The following SMYD3 variants were observed in gnomAD, a reference collection of about 807,000 sequenced individuals.
SMYD3 encodes the protein histone-lysine N-methyltransferase SMYD3.
A neutral mutation model predicts 57.7 loss-of-function variants in SMYD3; 36 were observed. That is an observed-to-expected ratio of 0.62 (90% CI 0.48 to 0.82). The LOEUF is 0.82. SMYD3 is among the 40% of genes least tolerant of loss of function. SMYD3 has a pLI of 0.00. For synonymous variants in SMYD3, 211 were observed against 195.0 expected (o/e 1.08, Z -0.68); for missense variants, 515 against 538.8 (o/e 0.96, Z 0.44).
chr1:246,458,970 T>C (rs535306282), intron 1 of SMYD3, among the ~76,000 whole-genome samples: 5 of 152,244 alleles, frequency 3.3e-5, no homozygotes, highest in East Asian at 1.9e-4. Flanking sequence ...AACTGTAGAA[T>C]AGGATGTTGA....
At chr1:245,960,563 A>C (rs976844122) in intron 5 of SMYD3, among the ~76,000 whole-genome samples, 1 of 152,082 alleles carries the variant, frequency 6.6e-6, no homozygotes, top group African/African-American at 2.4e-5. Flanking sequence ...TCTCTACGAA[A>C]AAAAGACACA....
chr1:246,110,990 A>G (rs1176033621), intron 5 of SMYD3, among the ~76,000 whole-genome samples: 1 of 152,192 alleles, frequency 6.6e-6, no homozygotes, highest in African/African-American at 2.4e-5. Flanking sequence ...CATTGTCCAT[A>G]AGATAACTCA....
intron 1 of SMYD3, among the ~76,000 whole-genome samples, chr1:246,505,963 C>T (rs749186209): frequency 3.9e-5 from 6 of 152,244 alleles, no homozygotes; most frequent in Non-Finnish European, 7.3e-5. Flanking sequence ...GTTATCATTA[C>T]TTCAGAAAGC....
At chr1:246,240,637 G>C (rs1166607099) in intron 5 of SMYD3, among the ~76,000 whole-genome samples, 2 of 152,138 alleles carry the variant, frequency 1.3e-5, no homozygotes, top group Admixed American at 1.3e-4. Context: ...GAAAGTCATT[G>C]GTAGCTTGAT....
At chr1:245,913,114 A>T (rs964374651) in intron 8 of SMYD3, among the ~76,000 whole-genome samples, 7 of 151,934 alleles carry the variant, frequency 4.6e-5, no homozygotes, top group Admixed American at 3.9e-4. Flanking sequence ...AACCAACCCA[A>T]ATGTCCAACA....
chr1:246,406,505 T>C (rs2066868493), intron 1 of SMYD3, among the ~76,000 whole-genome samples: 1 of 152,176 alleles, frequency 6.6e-6, no homozygotes, highest in Non-Finnish European at 1.5e-5. Context: ...GTTTAATAAT[T>C]TCCTTTCTCA....
chr1:246,080,261 T>C (rs948696984), intron 5 of SMYD3, among the ~76,000 whole-genome samples: 1 of 151,650 alleles, frequency 6.6e-6, no homozygotes, highest in African/African-American at 2.4e-5. Context: ...CCACCGGAGC[T>C]CAGAGCAGTG....
rs75137579 is a variant in SMYD3, at chr1:246,249,999, TTAA to T, written c.531+77199_531+77201del. Among the ~76,000 whole-genome samples the T allele has an allele frequency of 7.1e-4, 108 of 152,324 alleles. No homozygotes were observed. In the East Asian group the frequency reaches 0.015, roughly 21 times the overall value. On this transcript the variant is annotated intron_variant, in intron 5 of 11. Transcript: ENST00000490107. ...TGGCATGACACAATTATAGAGCACATTAATAACTGCAGGCACCTGCAGAATAAA... is the reference window on the plus strand; with the variant it reads ...TGGCATGACACAATTATAGAGCACATTAACTGCAGGCACCTGCAGAATAAA...
chr1:245,771,278 G>A (rs2046327369), intron 10 of SMYD3, among the ~76,000 whole-genome samples: 1 of 152,112 alleles, frequency 6.6e-6, no homozygotes, highest in Admixed American at 6.5e-5. Context: ...AGAAGGATGA[G>A]GGATAAGGTA....
intron 5 of SMYD3, among the ~76,000 whole-genome samples, chr1:246,022,251 C>T (rs1275840056): frequency 6.6e-6 from 1 of 152,172 alleles, no homozygotes; most frequent in African/African-American, 2.4e-5. Flanking sequence ...GGTTCTCAAA[C>T]ATTAAAATGC....
At position 246,109,068 on chromosome 1, in the gene SMYD3, C is replaced by A. The variant is rs559829646; in HGVS notation, c.532-179131G>T. On this transcript the variant is annotated intron_variant, in intron 5 of 11. Transcript: ENST00000490107. Reference sequence around the variant, plus strand: ...TGGTATAATTTTATTTGTCTTTTTTCTTCCTAGACTGTGAGCCCCTGGAGT... The same window carrying A: ...TGGTATAATTTTATTTGTCTTTTTTATTCCTAGACTGTGAGCCCCTGGAGT... 5.3e-5 allele frequency among the ~76,000 whole-genome samples: 8 copies of A among 152,146 alleles called. No individual in the cohort carries two copies. The East Asian group carries it at 1.2e-3, about 22-fold the overall frequency.
intron 5 of SMYD3, among the ~76,000 whole-genome samples, chr1:246,291,607 A>T (rs2064692521): frequency 6.6e-6 from 1 of 152,242 alleles, no homozygotes; most frequent in Non-Finnish European, 1.5e-5. Flanking sequence ...CAATGACAAG[A>T]AAAACCAGTA....
At chr1:246,315,427 A>G (rs1202070729) in intron 5 of SMYD3, among the ~76,000 whole-genome samples, 1 of 152,218 alleles carries the variant, frequency 6.6e-6, no homozygotes, top group Non-Finnish European at 1.5e-5. Context: ...GGACCTCAAT[A>G]GAGAGGGCGA....
chr1:246,080,921 A>G (rs2060628286), intron 5 of SMYD3, among the ~76,000 whole-genome samples: 1 of 152,218 alleles, frequency 6.6e-6, no homozygotes, highest in African/African-American at 2.4e-5. Context: ...AGGCTTGGAT[A>G]ACAAAACAGC....
At chr1:246,387,925 G>A (rs1160405447) in intron 1 of SMYD3, among the ~76,000 whole-genome samples, 2 of 64,586 alleles carry the variant, frequency 3.1e-5, no homozygotes, top group African/African-American at 6.1e-5. Context: ...AAATCACCTC[G>A]AGGTTGAAGT....
chr1:245,903,885 CTGGGCCTGTGA>C (rs2054366291), intron 8 of SMYD3, among the ~76,000 whole-genome samples: 1 of 152,194 alleles, frequency 6.6e-6, no homozygotes, highest in Non-Finnish European at 1.5e-5. Flanking sequence ...TCCTAGGCCT[CTGGGCCTGTGA>C]TGGGAGGGGC....
At chr1:245,794,289 C>A in intron 10 of SMYD3, among the ~76,000 whole-genome samples, 1 of 152,176 alleles carries the variant, frequency 6.6e-6, no homozygotes, top group Non-Finnish European at 1.5e-5. Context: ...TAACAAGATT[C>A]CTTGTACCTC....
At chr1:245,810,693 T>C (rs559720348) in intron 10 of SMYD3, among the ~76,000 whole-genome samples, 1 of 152,320 alleles carries the variant, frequency 6.6e-6, no homozygotes, top group South Asian at 2.1e-4. Flanking sequence ...CTTATGTGTC[T>C]AGCCTGGGTA....
At chr1:246,257,031 C>G (rs10924639) in intron 5 of SMYD3, among the ~76,000 whole-genome samples, 31,578 of 152,022 alleles carry the variant, frequency 0.21, 3,990 homozygotes, top group East Asian at 0.58. Flanking sequence ...AATATGGTTG[C>G]TATGATTTAG....
Sources: gnomAD v4.1 joint callset for allele counts (sites outside exome capture counted in the v4.1 genomes callset) on GRCh38, gnomAD v4.1.1 for gene constraint, MANE v1.5 for transcripts, NCBI Gene and HGNC (gene_info 2026-07-23, HGNC 2026-07-21) for gene names.